SOD2: variants seen among roughly 807,000 people sequenced by gnomAD.
The protein encoded by SOD2 is superoxide dismutase [Mn], mitochondrial.
Under a neutral mutation model 27.0 loss-of-function variants are expected in SOD2, and 11 were observed. The observed-to-expected ratio is 0.41, with a 90% CI of 0.26 to 0.67. The LOEUF (loss-of-function observed/expected upper bound fraction) is 0.67. SOD2 is among the 30% of genes least tolerant of loss of function. SOD2 has a pLI of 0.34. For synonymous variants in SOD2, 105 were observed against 103.0 expected (o/e 1.02, Z -0.12); for missense variants, 250 against 274.5 (o/e 0.91, Z 0.63).
upstream of SOD2, chr6:159,727,832 G>A: frequency 1.6e-6 from 1 of 643,630 alleles, no homozygotes; most frequent in Non-Finnish European, 1.9e-6. Flanking sequence ...GTGCGGCACC[G>A]GTCTCTCGTG....
intron 1 of SOD2, among the ~76,000 whole-genome samples, chr6:159,710,289 A>ATATATATAT (rs1562436098): frequency 3.4e-5 from 5 of 145,508 alleles, no homozygotes; most frequent in African/African-American, 1.3e-4. Context: ...ATATATATAT[A>ATATATATAT]AAATACAAAA....
In SOD2 at chr6:159,675,596, T is replaced by G. The variant is rs1394087108; in HGVS notation, c.*6897A>C. ...TCCTTACACCTTATACAAAAATTAATTCAAGATGGATTAAAGACTTAAATG... is the reference window on the plus strand; with the variant it reads ...TCCTTACACCTTATACAAAAATTAAGTCAAGATGGATTAAAGACTTAAATG... On this transcript the variant is annotated 3_prime_UTR_variant, in exon 5 of 5. Coordinates refer to ENST00000538183, the MANE Select transcript of SOD2 (RefSeq NM_000636.4). 2.0e-5 allele frequency: 3 copies of G among 152,138 alleles called. No homozygotes were observed. Among genetic ancestry groups the G allele is most frequent in the African/African-American group, 7.2e-5 (3 of 41,424 alleles). The allele number at this position is 152,138 out of a possible 1,614,324, so 9.4% of individuals were successfully genotyped here.
At chr6:159,709,264 A>T (rs1349892935) in intron 1 of SOD2, among the ~76,000 whole-genome samples, 1 of 152,248 alleles carries the variant, frequency 6.6e-6, no homozygotes, top group African/African-American at 2.4e-5. Flanking sequence ...AAATTGACAG[A>T]TGGGATCTAA....
At chr6:159,759,878 T>C (rs535340876) in intron 1 of SOD2, among the ~76,000 whole-genome samples, 42 of 152,364 alleles carry the variant, frequency 2.8e-4, no homozygotes, top group African/African-American at 9.6e-4. Context: ...GGAAACTCTA[T>C]ATCCCTTGGC....
chr6:159,684,166 A>T (rs1780080144), intron 4 of SOD2, among the ~76,000 whole-genome samples: 1 of 152,080 alleles, frequency 6.6e-6, no homozygotes. Context: ...TTTAACCTCA[A>T]ATGCTCAGCA....
exon 1 of SOD2, chr6:159,761,956 T>A: frequency 9.7e-7 from 1 of 1,028,668 alleles, no homozygotes; most frequent in African/African-American, 1.9e-5. Context: ...CGCGGGGAGG[T>A]GGTGCGCGGG....
At chr6:159,684,467 A>G (rs914895496) in intron 4 of SOD2, among the ~76,000 whole-genome samples, 1 of 151,754 alleles carries the variant, frequency 6.6e-6, no homozygotes, top group Non-Finnish European at 1.5e-5. Context: ...AAACACAAAA[A>G]TTAGCTGGGC....
upstream of SOD2, among the ~76,000 whole-genome samples, chr6:159,695,782 A>G (rs1486634196): frequency 1.3e-5 from 2 of 152,098 alleles, no homozygotes; most frequent in African/African-American, 2.4e-5. Context: ...TATAGGCTTG[A>G]GCCACCACAC....
chr6:159,731,192 TGG>T (rs1778547833), upstream of SOD2, among the ~76,000 whole-genome samples: 1 of 151,146 alleles, frequency 6.6e-6, no homozygotes. Context: ...CTGGGCATGG[TGG>T]CTCACAACTG....
At chr6:159,735,233 C>T (rs894223460) in intron 1 of SOD2, among the ~76,000 whole-genome samples, 1 of 152,116 alleles carries the variant, frequency 6.6e-6, no homozygotes, top group South Asian at 2.1e-4. Flanking sequence ...CTCCGCCTCC[C>T]AGGTTCAGGC....
Position 159,678,763 on chromosome 6 carries a change from C to G in SOD2, c.*3730G>C, listed in dbSNP as rs1285972243. 3 of 152,144 alleles carry G rather than the reference C, an allele frequency of 2.0e-5. No homozygotes were observed. Among genetic ancestry groups the G allele is most frequent in the Non-Finnish European group, 4.4e-5 (3 of 68,030 alleles). The allele number at this position is 152,144 out of a possible 1,614,324, so 9.4% of individuals were successfully genotyped here. On this transcript the variant is annotated 3_prime_UTR_variant, in exon 5 of 5. Coordinates refer to ENST00000538183, the MANE Select transcript of SOD2 (RefSeq NM_000636.4). ...GATTGGTATCTGGAGTGGGGGCAGT[C>G]TTGTGGGCTGAGCCCTCCACCTGTG...
rs571598779 is a variant in SOD2 at position 159,710,711 on chromosome 6, C to A, written c.-116+16418G>T. On this transcript the variant is annotated intron_variant, in intron 1 of 2. Coordinates refer to the SOD2 transcript ENST00000401980. ...CTGCTCTGATCACCCTAACCACCTC[C>A]ATAACCACCAGTCACACTGCTCTGA... Among the ~76,000 whole-genome samples, 36 of 151,900 alleles carry A rather than the reference C, an allele frequency of 2.4e-4. No individual in the cohort carries two copies. The Middle Eastern group carries it at 0.017, about 72-fold the overall frequency.
At chr6:159,703,805 C>T (rs1027433876) in intron 1 of SOD2, among the ~76,000 whole-genome samples, 1 of 152,198 alleles carries the variant, frequency 6.6e-6, no homozygotes, top group Non-Finnish European at 1.5e-5. Flanking sequence ...ACTCCTACAA[C>T]ATAACTAACT....
At chr6:159,727,846 C>A (rs1184806496), upstream of SOD2, 4 of 542,698 alleles carry the variant, frequency 7.4e-6, no homozygotes, top group Non-Finnish European at 9.4e-6. Flanking sequence ...TCTCGTGAGC[C>A]GCTCTACCTT....
chr6:159,695,880 T>A (rs1777414257), upstream of SOD2, among the ~76,000 whole-genome samples: 1 of 152,136 alleles, frequency 6.6e-6, no homozygotes, highest in African/African-American at 2.4e-5. Flanking sequence ...GTGTCCCAAG[T>A]TACTCCAGCC....
chr6:159,726,039 C>T (rs915148526), intron 1 of SOD2: 1 of 152,226 alleles, frequency 6.6e-6, no homozygotes, highest in African/African-American at 2.4e-5. Flanking sequence ...CTGCAATAAC[C>T]TTGTATACCT....
chr6:159,719,731 C>CT (rs371158323), intron 1 of SOD2, among the ~76,000 whole-genome samples: 69,022 of 141,132 alleles, frequency 0.49, 17,189 homozygotes, highest in Admixed American at 0.57. Flanking sequence ...CTTTTATTTT[C>CT]TTTTTTTTTT....
intron 2 of SOD2, chr6:159,692,267 G>C: frequency 1.7e-6 from 1 of 590,644 alleles, no homozygotes; most frequent in Non-Finnish European, 2.5e-6. Flanking sequence ...CTACCTGAGA[G>C]ACCAAACATT....
At chr6:159,741,795 C>T (rs1779270959) in intron 1 of SOD2, 1 of 234,386 alleles carries the variant, frequency 4.3e-6, no homozygotes, top group Non-Finnish European at 8.4e-6. Flanking sequence ...CAAGACCAGC[C>T]TGGGCAACGT....
Sources: gnomAD v4.1 joint callset for allele counts (sites outside exome capture counted in the v4.1 genomes callset) on GRCh38, gnomAD v4.1.1 for gene constraint, MANE v1.5 for transcripts, NCBI Gene and HGNC (gene_info 2026-07-23, HGNC 2026-07-21) for gene names.